The following GRID1 variants were observed in gnomAD, a reference collection of about 807,000 sequenced individuals.
The protein encoded by GRID1 is glutamate receptor ionotropic, delta-1.
A neutral mutation model predicts 98.0 loss-of-function variants in GRID1; 28 were observed. That is an observed-to-expected ratio of 0.29 (90% CI 0.21 to 0.39). The LOEUF is 0.39. GRID1 is among the 10% of genes least tolerant of loss of function. The pLI, the probability that GRID1 is intolerant of heterozygous loss-of-function variation, is 1.00. For missense variants in GRID1, 1,111 were observed against 1,340.5 expected (o/e 0.83, Z 2.67); for synonymous variants, 553 against 538.5 (o/e 1.03, Z -0.37).
At chr10:85,773,181 A>G (rs955451702) in intron 8 of GRID1, among the ~76,000 whole-genome samples, 2 of 152,208 alleles carry the variant, frequency 1.3e-5, no homozygotes, top group Non-Finnish European at 2.9e-5. Flanking sequence ...ACACAAATCA[A>G]TAAATGTAAT....
chr10:85,795,410 T>C (rs917282106), intron 8 of GRID1, among the ~76,000 whole-genome samples: 1 of 152,186 alleles, frequency 6.6e-6, no homozygotes, highest in Non-Finnish European at 1.5e-5. Flanking sequence ...GAGAGCTTCA[T>C]CTAGTCCTAT....
chr10:85,619,553 T>A (rs1408580456), intron 14 of GRID1, among the ~76,000 whole-genome samples: 2 of 152,086 alleles, frequency 1.3e-5, no homozygotes, highest in Non-Finnish European at 2.9e-5. Flanking sequence ...CTGGGTCTGG[T>A]GAGATGCCGT....
chr10:85,974,059 G>A (rs1269741850), intron 4 of GRID1, among the ~76,000 whole-genome samples: 1 of 152,160 alleles, frequency 6.6e-6, no homozygotes, highest in Non-Finnish European at 1.5e-5. Context: ...GTGTATACCT[G>A]GGGCATATTC....
intron 4 of GRID1, among the ~76,000 whole-genome samples, chr10:86,106,849 TG>T (rs2131948816): frequency 6.6e-6 from 1 of 151,686 alleles, no homozygotes; most frequent in African/African-American, 2.4e-5. Context: ...GCGGCTAAGA[TG>T]GGATAGAGAA....
chr10:85,633,504 T>C (rs764491512), intron 13 of GRID1, among the ~76,000 whole-genome samples: 3 of 152,204 alleles, frequency 2.0e-5, no homozygotes, highest in Admixed American at 1.3e-4. Context: ...CAGCTTCCTC[T>C]TAAAGTCTCT....
chr10:85,926,507 G>GT (rs1841776231), intron 4 of GRID1, among the ~76,000 whole-genome samples: 1 of 152,182 alleles, frequency 6.6e-6, no homozygotes, highest in Admixed American at 6.5e-5. Flanking sequence ...CAAGAGCTTA[G>GT]TTTTTCCCCA....
chr10:86,130,028 C>T (rs532419521), intron 4 of GRID1, among the ~76,000 whole-genome samples: 66 of 152,360 alleles, frequency 4.3e-4, no homozygotes, highest in African/African-American at 1.5e-3. Flanking sequence ...GTGTGCTTGT[C>T]AAGGGGCAGG....
intron 13 of GRID1, among the ~76,000 whole-genome samples, chr10:85,621,084 A>G (rs899615941): frequency 6.6e-6 from 1 of 152,136 alleles, no homozygotes; most frequent in African/African-American, 2.4e-5. Flanking sequence ...CTCGGAGGGA[A>G]TGCAAGCTGC....
At chr10:85,976,811 C>T (rs1842479053) in intron 4 of GRID1, among the ~76,000 whole-genome samples, 1 of 152,218 alleles carries the variant, frequency 6.6e-6, no homozygotes, top group Non-Finnish European at 1.5e-5. Context: ...TGACAGTCTT[C>T]AAAGGCCCCA....
At chr10:86,086,305 G>C (rs1311020258) in intron 4 of GRID1, among the ~76,000 whole-genome samples, 1 of 152,078 alleles carries the variant, frequency 6.6e-6, no homozygotes, top group Non-Finnish European at 1.5e-5. Context: ...GTTATTTTTG[G>C]CCTGGCACCC....
At chr10:86,218,595 C>T (rs986421661) in intron 2 of GRID1, among the ~76,000 whole-genome samples, 4 of 152,212 alleles carry the variant, frequency 2.6e-5, no homozygotes, top group Non-Finnish European at 5.9e-5. Context: ...ATGCTGTGTC[C>T]TCATCTCTGC....
rs1183617015 is a variant in GRID1, at chr10:85,609,293, G to T, written c.2601+4114C>A. On this transcript the variant is annotated intron_variant, in intron 15 of 15. Transcript: ENST00000327946. ...GGAAAGGAGCCCTAAGGTGTCACTT[G>T]TCTCTCCCATATTCCTCATTGCCTA... is the stretch of plus-strand genomic sequence containing the variant. Among the ~76,000 whole-genome samples, 6 of 152,210 alleles carry T rather than the reference G, an allele frequency of 3.9e-5. No individual in the cohort carries two copies. The East Asian group carries it at 1.2e-3, about 29-fold the overall frequency.
chr10:85,926,875 C>T (rs1378556840), intron 4 of GRID1, among the ~76,000 whole-genome samples: 1 of 152,118 alleles, frequency 6.6e-6, no homozygotes. Flanking sequence ...CAAAATTAGC[C>T]ATAAAGATTT....
intron 4 of GRID1, among the ~76,000 whole-genome samples, chr10:86,045,679 C>T (rs912016413): frequency 8.5e-5 from 13 of 152,132 alleles, no homozygotes; most frequent in African/African-American, 3.1e-4. Flanking sequence ...GGCGAGGCAC[C>T]GAGTGGTGGT....
chr10:86,113,747 G>A (rs931340426), intron 4 of GRID1, among the ~76,000 whole-genome samples: 2 of 152,144 alleles, frequency 1.3e-5, no homozygotes, highest in African/African-American at 2.4e-5. Flanking sequence ...AGCTGGTGGG[G>A]CTGGGCTCAT....
At chr10:86,280,156 T>C (rs1222080228) in intron 2 of GRID1, among the ~76,000 whole-genome samples, 1 of 152,186 alleles carries the variant, frequency 6.6e-6, no homozygotes, top group Admixed American at 6.5e-5. Flanking sequence ...TGAGCTATGA[T>C]TGTGCTCCAG....
chr10:85,960,648 C>T (rs1029201826), intron 4 of GRID1, among the ~76,000 whole-genome samples: 2 of 152,218 alleles, frequency 1.3e-5, no homozygotes, highest in Non-Finnish European at 2.9e-5. Context: ...ATGTCTCTCC[C>T]CTTGACCCCA....
intron 2 of GRID1, among the ~76,000 whole-genome samples, chr10:86,350,417 T>G (rs1848447193): frequency 6.6e-6 from 1 of 152,130 alleles, no homozygotes; most frequent in South Asian, 2.1e-4. Flanking sequence ...GTGTCCAGGC[T>G]GGGGCTGGGG....
At chr10:86,275,267 CA>C (rs1847251480) in intron 2 of GRID1, among the ~76,000 whole-genome samples, 1 of 151,540 alleles carries the variant, frequency 6.6e-6, no homozygotes, top group African/African-American at 2.4e-5. Context: ...CACCCTTCAA[CA>C]ACTAAAAAAA....
Sources: allele counts gnomAD v4.1 joint callset (sites outside exome capture counted in the v4.1 genomes callset), GRCh38; gene constraint gnomAD v4.1.1; transcripts MANE v1.5; gene names NCBI Gene and HGNC (gene_info 2026-07-23, HGNC 2026-07-21).